GMDS: variants seen among roughly 807,000 people sequenced by gnomAD.
GMDS encodes the protein GDP-mannose 4,6 dehydratase.
Under a neutral mutation model 49.9 loss-of-function variants are expected in GMDS, and 20 were observed. That is an observed-to-expected ratio of 0.40 (90% confidence interval 0.28 to 0.58). The LOEUF is 0.58. GMDS is among the 20% of genes least tolerant of loss of function. GMDS has a pLI of 0.42. For synonymous variants in GMDS, 177 were observed against 178.6 expected (o/e 0.99, Z 0.07); for missense variants, 362 against 481.4 (o/e 0.75, Z 2.32).
intron 7 of GMDS, among the ~76,000 whole-genome samples, chr6:1,894,472 T>G (rs936713120): frequency 6.6e-6 from 1 of 152,370 alleles, no homozygotes; most frequent in African/African-American, 2.4e-5. Flanking sequence ...TTCATAATAT[T>G]AAAACATTAA....
At chr6:2,035,695 T>A (rs1180549878) in intron 4 of GMDS, among the ~76,000 whole-genome samples, 1 of 152,012 alleles carries the variant, frequency 6.6e-6, no homozygotes, top group African/African-American at 2.4e-5. Context: ...TATTTATTTA[T>A]TTATTTTTTG....
intron 4 of GMDS, among the ~76,000 whole-genome samples, chr6:2,084,830 T>G (rs1484082885): frequency 2.6e-5 from 4 of 152,150 alleles, no homozygotes; most frequent in African/African-American, 9.7e-5. Flanking sequence ...TTAATTCAAC[T>G]TCTCAAAAGT....
rs543577735 is a variant in GMDS, at chr6:1,642,153, CTTTTTTTTTTTTTT to C, written c.988-17627_988-17614del. The stretch of plus-strand genomic sequence containing the variant: ...CTCTTGAAATCTGGGCAGTTTCCAT[CTTTTTTTTTTTTTT>C]TTTTTTTTTTTAAGAAAAAAATAGA... On this transcript the variant is annotated intron_variant, in intron 9 of 10. Coordinates refer to ENST00000380815, the MANE Select transcript of GMDS (RefSeq NM_001500.4). Among the ~76,000 whole-genome samples, 385 of 110,784 alleles carry C rather than the reference CTTTTTTTTTTTTTT, an allele frequency of 3.5e-3. 2 individuals carry two copies. The highest frequency in any genetic ancestry group is 0.013 in the African/African-American group (371 of 28,874). 72.7% of individuals were successfully genotyped at this position (110,784 alleles called of 152,430 possible). A position where few individuals can be genotyped will look rare whatever the true frequency, so the allele number is the denominator to read the frequency against.
At chr6:1,745,852 G>A (rs1342532705) in intron 7 of GMDS, among the ~76,000 whole-genome samples, 1 of 152,188 alleles carries the variant, frequency 6.6e-6, no homozygotes, top group African/African-American at 2.4e-5. Context: ...TGAAGAACAG[G>A]TGACACTCTG....
rs530394752 is a variant in GMDS, at chr6:1,729,063, G to A, written c.891-2551C>T. On this transcript the variant is annotated intron_variant, in intron 8 of 10. Transcript: ENST00000380815. ...TTCGGCCGATCAGGTTAATGGTATC[G>A]CCTCACCCTCAGCTGAAGGAAAGCA... Among the ~76,000 whole-genome samples, 22 of 152,196 alleles carry A rather than the reference G, an allele frequency of 1.4e-4. No individual in the cohort carries two copies. The South Asian group carries it at 4.6e-3, about 32-fold the overall frequency.
intron 1 of GMDS, among the ~76,000 whole-genome samples, chr6:2,195,832 A>G (rs1779254926): frequency 6.6e-6 from 1 of 150,996 alleles, no homozygotes; most frequent in Non-Finnish European, 1.5e-5. Context: ...AAAAAAAAAA[A>G]AAAGTTAATA....
intron 8 of GMDS, among the ~76,000 whole-genome samples, chr6:1,728,991 G>C (rs1050806848): frequency 6.6e-6 from 1 of 151,648 alleles, no homozygotes; most frequent in Non-Finnish European, 1.5e-5. Flanking sequence ...AAACCAAAAG[G>C]GCCTCAGCTG....
intron 4 of GMDS, among the ~76,000 whole-genome samples, chr6:2,066,818 G>A (rs1205234873): frequency 2.6e-5 from 4 of 151,924 alleles, no homozygotes; most frequent in African/African-American, 9.7e-5. Flanking sequence ...AATAATGGGA[G>A]ACTTTAACAC....
At chr6:1,780,065 A>G (rs1329055954) in intron 7 of GMDS, among the ~76,000 whole-genome samples, 4 of 152,256 alleles carry the variant, frequency 2.6e-5, no homozygotes, top group Non-Finnish European at 5.9e-5. Context: ...CGCCTCACTC[A>G]AAGTGGGGAA....
At chr6:1,885,826 C>T (rs955814067) in intron 7 of GMDS, among the ~76,000 whole-genome samples, 4 of 152,170 alleles carry the variant, frequency 2.6e-5, no homozygotes, top group African/African-American at 9.7e-5. Context: ...TGCATCCAGC[C>T]GCAGGCAGAG....
intron 9 of GMDS, among the ~76,000 whole-genome samples, chr6:1,681,257 T>C (rs551745432): frequency 9.9e-5 from 15 of 152,194 alleles, no homozygotes; most frequent in Non-Finnish European, 2.2e-4. Flanking sequence ...CCTGCCACCC[T>C]GCCGCCAAGA....
intron 7 of GMDS, among the ~76,000 whole-genome samples, chr6:1,864,626 G>C (rs1446599863): frequency 6.6e-6 from 1 of 152,168 alleles, no homozygotes. Context: ...AGATTTGCTG[G>C]TGATGAACTC....
chr6:2,066,200 T>G (rs544700005), intron 4 of GMDS, among the ~76,000 whole-genome samples: 1 of 143,920 alleles, frequency 6.9e-6, no homozygotes, highest in African/African-American at 2.5e-5. Flanking sequence ...AATAAAATAC[T>G]TTACAGACAA....
chr6:1,642,650 G>A (rs911632743), intron 9 of GMDS, among the ~76,000 whole-genome samples: 4 of 152,154 alleles, frequency 2.6e-5, no homozygotes, highest in African/African-American at 7.2e-5. Context: ...GGTGACCATC[G>A]TCCTGAGTCC....
At chr6:1,678,161 C>A (rs558614770) in intron 9 of GMDS, among the ~76,000 whole-genome samples, 1 of 151,996 alleles carries the variant, frequency 6.6e-6, no homozygotes, top group Non-Finnish European at 1.5e-5. Context: ...TGAGTTTTAC[C>A]CCTTAGTAGG....
At chr6:1,813,304 G>T (rs1311151844) in intron 7 of GMDS, among the ~76,000 whole-genome samples, 1 of 133,726 alleles carries the variant, frequency 7.5e-6, no homozygotes, top group African/African-American at 2.9e-5. Flanking sequence ...ATGTTTTCAA[G>T]AATCTTGGGA....
At chr6:1,924,047 C>T (rs1761865502) in intron 7 of GMDS, among the ~76,000 whole-genome samples, 1 of 152,218 alleles carries the variant, frequency 6.6e-6, no homozygotes, top group African/African-American at 2.4e-5. Flanking sequence ...TTTCCCCAAA[C>T]ACACCCTTTA....
At chr6:1,846,212 C>T (rs780369222) in intron 7 of GMDS, among the ~76,000 whole-genome samples, 58 of 152,060 alleles carry the variant, frequency 3.8e-4, no homozygotes, top group Admixed American at 6.5e-4. Flanking sequence ...CCCACCACAG[C>T]CTCCCAAGTA....
chr6:2,094,232 G>A (rs1773471862), intron 4 of GMDS, among the ~76,000 whole-genome samples: 1 of 152,196 alleles, frequency 6.6e-6, no homozygotes, highest in Admixed American at 6.5e-5. Context: ...TACTAGAAAT[G>A]ATTACAATTA....
Sources: allele counts gnomAD v4.1 joint callset (sites outside exome capture counted in the v4.1 genomes callset), GRCh38; gene constraint gnomAD v4.1.1; transcripts MANE v1.5; gene names NCBI Gene and HGNC (gene_info 2026-07-23, HGNC 2026-07-21).